The following DACH1 variants were observed in gnomAD, a reference collection of about 807,000 sequenced individuals.
The protein encoded by DACH1 is dachshund homolog 1.
In DACH1, 12 loss-of-function variants were observed where a neutral mutation model predicts 54.2. The observed-to-expected ratio is 0.22, with a 90% CI of 0.14 to 0.36. The LOEUF (loss-of-function observed/expected upper bound fraction) is 0.36. Ranked by LOEUF, DACH1 falls within the 10% of genes least tolerant of loss-of-function variation. DACH1 has a pLI of 1.00. For missense variants in DACH1, 805 were observed against 929.8 expected (o/e 0.87, Z 1.75); for synonymous variants, 386 against 366.2 (o/e 1.05, Z -0.62).
chr13:71,606,216 G>A (rs1874871708), intron 3 of DACH1, among the ~76,000 whole-genome samples: 1 of 151,944 alleles, frequency 6.6e-6, no homozygotes, highest in African/African-American at 2.4e-5. Context: ...ATTTTATATA[G>A]AGAGGAGAAA....
At chr13:71,857,581 A>G (rs1438786492) in intron 1 of DACH1, among the ~76,000 whole-genome samples, 1 of 151,718 alleles carries the variant, frequency 6.6e-6, no homozygotes, top group Non-Finnish European at 1.5e-5. Flanking sequence ...TAATACATAT[A>G]AAAAATATCC....
chr13:71,507,310 T>C (rs574040121), intron 6 of DACH1, among the ~76,000 whole-genome samples: 25 of 152,338 alleles, frequency 1.6e-4, no homozygotes, highest in Admixed American at 6.5e-4. Context: ...TCCCCAACTT[T>C]GTTTTTTAGC....
chr13:71,676,688 T>A (rs1368957376), intron 2 of DACH1, among the ~76,000 whole-genome samples: 2 of 152,242 alleles, frequency 1.3e-5, no homozygotes, highest in Non-Finnish European at 2.9e-5. Flanking sequence ...ATTCACTACA[T>A]GAGAACATTT....
chr13:71,620,673 G>C (rs1392489907), intron 3 of DACH1, among the ~76,000 whole-genome samples: 1 of 151,868 alleles, frequency 6.6e-6, no homozygotes, highest in African/African-American at 2.4e-5. Context: ...TCAGTGTGAT[G>C]TTTTGAACTT....
intron 6 of DACH1, among the ~76,000 whole-genome samples, chr13:71,500,067 A>G (rs1243157825): frequency 6.6e-6 from 1 of 152,164 alleles, no homozygotes; most frequent in Non-Finnish European, 1.5e-5. Flanking sequence ...CTTTTATTTT[A>G]AGGGGTGGAG....
intron 5 of DACH1, among the ~76,000 whole-genome samples, chr13:71,558,641 T>C (rs920049665): frequency 6.6e-6 from 1 of 151,992 alleles, no homozygotes; most frequent in African/African-American, 2.4e-5. Flanking sequence ...AAATATACAG[T>C]AAATATTTCA....
intron 10 of DACH1, among the ~76,000 whole-genome samples, chr13:71,467,725 A>G (rs1048575134): frequency 7.2e-5 from 11 of 152,136 alleles, no homozygotes; most frequent in African/African-American, 2.4e-4. Context: ...CTTTTGTTCA[A>G]TTTAATCAGT....
At chr13:71,658,736 G>A (rs897265639) in intron 2 of DACH1, among the ~76,000 whole-genome samples, 6 of 152,080 alleles carry the variant, frequency 3.9e-5, no homozygotes, top group African/African-American at 1.4e-4. Flanking sequence ...TAGAAACTGT[G>A]ATTTGAGGAA....
intron 1 of DACH1, among the ~76,000 whole-genome samples, chr13:71,820,689 T>C (rs1201311436): frequency 3.9e-5 from 6 of 152,042 alleles, no homozygotes; most frequent in Non-Finnish European, 4.4e-5. Flanking sequence ...CAACATACAG[T>C]TATAAATCCA....
intron 3 of DACH1, among the ~76,000 whole-genome samples, chr13:71,573,902 A>G (rs1885376709): frequency 6.6e-6 from 1 of 152,174 alleles, no homozygotes; most frequent in Non-Finnish European, 1.5e-5. Context: ...GAACTGAAAC[A>G]CACTAATATT....
chr13:71,691,169 G>A (rs534213156), intron 1 of DACH1, among the ~76,000 whole-genome samples: 13 of 152,114 alleles, frequency 8.5e-5, no homozygotes, highest in Admixed American at 2.0e-4. Context: ...GTTTCTTCAG[G>A]TTATTGTTAA....
At chr13:71,451,545 A>C (rs1875060766) in intron 10 of DACH1, among the ~76,000 whole-genome samples, 1 of 152,204 alleles carries the variant, frequency 6.6e-6, no homozygotes, top group African/African-American at 2.4e-5. Context: ...CTGGGATAGT[A>C]TATTGGCTTA....
At chr13:71,790,598 G>A (rs898010875) in intron 1 of DACH1, among the ~76,000 whole-genome samples, 9 of 152,110 alleles carry the variant, frequency 5.9e-5, no homozygotes, top group Admixed American at 2.0e-4. Context: ...TAAATATTAT[G>A]AGAACCAAAG....
chr13:71,590,158 C>A (rs967552151), intron 3 of DACH1, among the ~76,000 whole-genome samples: 3 of 151,982 alleles, frequency 2.0e-5, no homozygotes, highest in Non-Finnish European at 4.4e-5. Context: ...AGCCACACAG[C>A]GCACTATAAA....
At chr13:71,649,961 A>C (rs2138620016) in intron 2 of DACH1, among the ~76,000 whole-genome samples, 1 of 152,336 alleles carries the variant, frequency 6.6e-6, no homozygotes, top group Admixed American at 6.5e-5. Flanking sequence ...TTATGAGCAG[A>C]GGCCAGAAGC....
intron 2 of DACH1, among the ~76,000 whole-genome samples, chr13:71,646,191 G>GC (rs1428172518): frequency 6.6e-6 from 1 of 151,936 alleles, no homozygotes; most frequent in Non-Finnish European, 1.5e-5. Context: ...ACAAAAATTA[G>GC]CCAGGCATGG....
chr13:71,866,824 C>A lies in DACH1; in HGVS notation c.-55G>T, dbSNP rs1874856140. The stretch of plus-strand genomic sequence containing the variant: ...AGAAGCGAGAGGAAAAGTTGCCACA[C>A]ACCCCCGGGAGGGGAAGGGGAAAAA... On this transcript the variant is annotated 5_prime_UTR_variant, in exon 1 of 11. Coordinates refer to ENST00000613252, the MANE Select transcript of DACH1 (RefSeq NM_080759.6). 7.8e-7 allele frequency: 1 copy of A among 1,277,698 alleles called. No individual in the cohort carries two copies. The highest frequency in any genetic ancestry group is 9.9e-7 in the Non-Finnish European group (1 of 1,005,608). 79.1% of individuals were successfully genotyped at this position (1,277,698 alleles called of 1,614,324 possible).
intron 3 of DACH1, among the ~76,000 whole-genome samples, chr13:71,580,875 T>G (rs1171828491): frequency 6.6e-6 from 1 of 152,142 alleles, no homozygotes; most frequent in Non-Finnish European, 1.5e-5. Flanking sequence ...TTTGTCTGTT[T>G]TTACCTCAGC....
intron 8 of DACH1, among the ~76,000 whole-genome samples, chr13:71,478,337 C>G (rs1877752651): frequency 6.6e-6 from 1 of 152,136 alleles, no homozygotes; most frequent in African/African-American, 2.4e-5. Flanking sequence ...GCTAATAAAA[C>G]AACCTGGTAA....
Sources: allele counts gnomAD v4.1 joint callset (sites outside exome capture counted in the v4.1 genomes callset), GRCh38; gene constraint gnomAD v4.1.1; transcripts MANE v1.5; gene names NCBI Gene and HGNC (gene_info 2026-07-23, HGNC 2026-07-21).